Variants in IGDCC4 observed in about 807,000 individuals in gnomAD.
The protein encoded by IGDCC4 is immunoglobulin superfamily DCC subclass member 4, also known as likely ortholog of mouse neighbor of Punc E11.
IGDCC4 carries 72 observed loss-of-function variants against 116.6 expected under a neutral mutation model. The observed-to-expected ratio is 0.62, with a 90% confidence interval of 0.51 to 0.75. IGDCC4 has a LOEUF of 0.75. IGDCC4 is among the 30% of genes least tolerant of loss of function. The pLI, the probability that IGDCC4 is intolerant of heterozygous loss-of-function variation, is 0.00. For synonymous variants in IGDCC4, 709 were observed against 719.9 expected, an observed-to-expected ratio of 0.98 and a Z score of 0.24; for missense variants, 1,501 against 1,662.4, an observed-to-expected ratio of 0.90 and a Z score of 1.69.
chr15:65,417,146 G>A (rs898299630), intron 1 of IGDCC4, among the ~76,000 whole-genome samples: 2 of 152,090 alleles, frequency 1.3e-5, no homozygotes, highest in Non-Finnish European at 2.9e-5. Flanking sequence ...AATTCTCCAC[G>A]ACACCATCAC....
Position 65,383,917 on chromosome 15 carries a change from C to A in IGDCC4, c.*92G>T. 8.0e-7 allele frequency: 1 copy of A among 1,253,212 alleles called. No individual in the cohort carries two copies. Among genetic ancestry groups the A allele is most frequent in the Non-Finnish European group, 1.1e-6 (1 of 924,202 alleles). 77.6% of individuals were successfully genotyped at this position (1,253,212 alleles called of 1,614,324 possible). On this transcript the variant is annotated 3_prime_UTR_variant, in exon 20 of 20. Coordinates refer to ENST00000352385, the MANE Select transcript of IGDCC4 (RefSeq NM_020962.3). ...AGCTCCAAAGGGCTTGATGATGTAT[C>A]TACAGGCACACATGTGGACATACAC... is the stretch of plus-strand genomic sequence containing the variant.
intron 3 of IGDCC4, among the ~76,000 whole-genome samples, chr15:65,405,523 G>A (rs1595789117): frequency 2.0e-5 from 3 of 151,972 alleles, no homozygotes; most frequent in South Asian, 4.2e-4. Context: ...TTGAAAAATG[G>A]GTTAAATAAT....
chr15:65,422,606 C>T (rs2063203549), intron 1 of IGDCC4, among the ~76,000 whole-genome samples, 187 bp downstream of exon 1: 1 of 151,878 alleles, frequency 6.6e-6, no homozygotes, highest in Non-Finnish European at 1.5e-5. Flanking sequence ...CGGACAAGCA[C>T]GCCCCACAAA....
rs572913770 is a variant in IGDCC4, at chr15:65,395,313, A to G, written c.1412-55T>C. 27 of 1,555,342 alleles carry G rather than the reference A, an allele frequency of 1.7e-5. No homozygotes were observed. The Admixed American group carries it at 3.1e-4, about 18-fold the overall frequency. ...ATAGTGCCACCCCCCCGTGCTGGCT[A>G]GCTGGAGTCTGTATAGGAATCCTTC... On this transcript the variant is annotated intron_variant, in intron 7 of 19. Transcript: ENST00000352385.
At chr15:65,416,084 C>T (rs28551786) in intron 1 of IGDCC4, among the ~76,000 whole-genome samples, 71 of 151,104 alleles carry the variant, frequency 4.7e-4, no homozygotes, top group African/African-American at 1.4e-3. Flanking sequence ...ATTCTCTCAA[C>T]AGCAGAGGAA....
Position 65,392,264 on chromosome 15 carries a change from A to C in IGDCC4, c.1992T>G (p.Tyr664Ter), listed in dbSNP as rs1043029066. 6.2e-7 allele frequency: 1 copy of C among 1,610,438 alleles called. No homozygotes were observed. The highest frequency in any genetic ancestry group is 8.5e-7 in the Non-Finnish European group (1 of 1,178,198). ...HPTQISGYKL[Y>*]WREVGAEEEA... ...CCTCCTCAGCCCCCACCTCCCGCCA[A>C]TATAGTTTGTAGCCAGAGATCTGGG... The change falls in exon 11 of 20, where the codon TAT (tyrosine) becomes TAG (stop). Residue 664 changes from tyrosine (Y) to a stop codon, truncating the protein, a stop_gained. Coordinates refer to ENST00000352385, the MANE Select transcript of IGDCC4 (RefSeq NM_020962.3). LOFTEE classifies it high-confidence loss of function.
intron 12 of IGDCC4, among the ~76,000 whole-genome samples, chr15:65,391,322 T>G (rs1344300391): frequency 6.6e-6 from 1 of 152,104 alleles, no homozygotes; most frequent in East Asian, 1.9e-4. Context: ...TGAGGGAGTA[T>G]CATGATGGGC....
chr15:65,385,303 G>A (rs890901245), intron 18 of IGDCC4, among the ~76,000 whole-genome samples, 188 bp from the exon 19 acceptor site: 73 of 152,180 alleles, frequency 4.8e-4, no homozygotes, highest in African/African-American at 1.7e-3. Context: ...GTAATCTGAG[G>A]ATGAGTCCTC....
At position 65,411,098 on chromosome 15, in the gene IGDCC4, T is replaced by A; in HGVS notation, c.343A>T (p.Ile115Phe). The change falls in exon 2 of 20, where the codon ATT (isoleucine) becomes TTT (phenylalanine). Residue 115 changes from isoleucine (I) to phenylalanine (F), a missense_variant. Ile to Phe is a conservative substitution (Grantham distance 21, BLOSUM62 0). Transcript: ENST00000352385. Reference protein sequence around the residue: ...DESVPEAVGVIEGNYSCLAHG... With the variant: ...DESVPEAVGVFEGNYSCLAHG... ...GCTAGGCACGAATAGTTGCCTTCAATGACCCCCACAGCCTCAGGGACTGAC... is the reference window on the plus strand; with the variant it reads ...GCTAGGCACGAATAGTTGCCTTCAAAGACCCCCACAGCCTCAGGGACTGAC... 6.2e-7 allele frequency: 1 copy of A among 1,614,208 alleles called. No homozygotes were observed. Among genetic ancestry groups the A allele is most frequent in the Non-Finnish European group, 8.5e-7 (1 of 1,180,032 alleles).
At chr15:65,418,491 C>T (rs954449078) in intron 1 of IGDCC4, among the ~76,000 whole-genome samples, 10 of 152,192 alleles carry the variant, frequency 6.6e-5, no homozygotes, top group Admixed American at 4.6e-4. Flanking sequence ...TTGGTCCTTG[C>T]TTCCCTGATC....
chr15:65,387,155 C>T (rs569347606), intron 16 of IGDCC4, among the ~76,000 whole-genome samples: 2 of 151,640 alleles, frequency 1.3e-5, no homozygotes, highest in East Asian at 3.9e-4. Context: ...GCCTCCCAAG[C>T]AGCTGTGACC....
intron 10 of IGDCC4, 125 bp from the exon 11 acceptor site, chr15:65,392,495 G>C (rs1309084463): frequency 1.4e-6 from 1 of 715,918 alleles, no homozygotes; most frequent in Non-Finnish European, 2.2e-6. Context: ...TTCAGTGAGA[G>C]CCTTTTGCCA....
At chr15:65,401,477 G>A (rs141861975) in intron 4 of IGDCC4, among the ~76,000 whole-genome samples, 251 of 152,292 alleles carry the variant, frequency 1.6e-3, no homozygotes, top group South Asian at 2.7e-3. Context: ...GGGTGGAGTG[G>A]TGAATATCTG....
In IGDCC4 at chr15:65,385,746, C is replaced by T; in HGVS notation, c.3180+85G>A. 4 of 1,110,672 alleles carry T rather than the reference C, an allele frequency of 3.6e-6. No homozygotes were observed. In the South Asian group the frequency reaches 5.0e-5, roughly 14 times the overall value. The allele number at this position is 1,110,672 out of a possible 1,614,324, so 68.8% of individuals were successfully genotyped here. On this transcript the variant is annotated intron_variant, in intron 18 of 19. Transcript: ENST00000352385. ...AGCCGGCTCCGAAGAGGAGGTAGAG[C>T]CATGCTCGCATAGCCACGCGTTGTG...
At chr15:65,410,935 G>T in intron 2 of IGDCC4, 85 bp downstream of exon 2, 1 of 1,073,202 alleles carries the variant, frequency 9.3e-7, no homozygotes, top group Non-Finnish European at 1.3e-6. Flanking sequence ...AGAGGCATTT[G>T]TGCAAGTAAC....
In IGDCC4 at chr15:65,394,492, C is replaced by T. The variant is rs2062900605; in HGVS notation, c.1633G>A (p.Val545Met). The T allele has an allele frequency of 1.2e-6, 2 of 1,613,608 alleles. No homozygotes were observed. Among genetic ancestry groups the T allele is most frequent in the East Asian group, 4.5e-5 (2 of 44,864 alleles). The change falls in exon 9 of 20, where the codon GTG (valine) becomes ATG (methionine). Residue 545 changes from valine (V) to methionine (M), a missense_variant. Transcript: ENST00000352385. ...CTGGGGGGCAGGGGCAGCCACGCCA[C>T]CCTGATGTCCGAAGGGTTGGGGCTG... ...LSSPNPSDIR[V>M]AWLPLPPSLS...
rs758221742 is a variant in IGDCC4 at position 65,396,979 on chromosome 15, G to A, written c.852C>T (p.Pro284=). The A allele has an allele frequency of 6.3e-6, 10 of 1,580,558 alleles. No individual in the cohort carries two copies. The highest frequency in any genetic ancestry group is 6.9e-6 in the Non-Finnish European group (8 of 1,162,942). Reference sequence around the variant, plus strand: ...CCAGGACGATGACATCTGTGGAGATGGGCTTCCCGTCTGGGGAAGGAGAGG... The same window carrying A: ...CCAGGACGATGACATCTGTGGAGATAGGCTTCCCGTCTGGGGAAGGAGAGG... ...FVSWVRQDGK[P]ISTDVIVLGR... is the part of the protein sequence containing the mutation. Residue 284 remains proline (P), a synonymous_variant, in exon 6 of 20, where the codon CCC becomes CCT. Coordinates refer to ENST00000352385, the MANE Select transcript of IGDCC4 (RefSeq NM_020962.3).
rs938338530 is a variant in IGDCC4 at position 65,395,128 on chromosome 15, G to A, written c.1542C>T (p.Thr514=). 4 of 1,613,616 alleles carry A rather than the reference G, an allele frequency of 2.5e-6. No homozygotes were observed. The African/African-American group carries it at 4.0e-5, about 16-fold the overall frequency. The change falls in exon 8 of 20, where the codon ACC becomes ACT. Residue 514 remains threonine (T), a synonymous_variant. Transcript: ENST00000352385. ...VAYSQLGASR[T]STPALVHTLD... is the part of the protein sequence containing the mutation. ...GTGTGTGCACCAGTGCTGGGGTGGA[G>A]GTGCGGCTGGCTCCCAGCTGGGAGT...
chr15:65,419,218 C>T (rs2063169218), intron 1 of IGDCC4, among the ~76,000 whole-genome samples: 1 of 147,064 alleles, frequency 6.8e-6, no homozygotes, highest in Admixed American at 6.8e-5. Context: ...ACCATGACCG[C>T]CATGCTTTTT....
Sources: gnomAD v4.1 joint callset for allele counts (sites outside exome capture counted in the v4.1 genomes callset) on GRCh38, gnomAD v4.1.1 for gene constraint, MANE v1.5 for transcripts, NCBI Gene and HGNC (gene_info 2026-07-23, HGNC 2026-07-21) for gene names.